IMMP2L: variants seen among roughly 807,000 people sequenced by gnomAD.
The protein encoded by IMMP2L is mitochondrial inner membrane protease subunit 2.
In IMMP2L, 18 loss-of-function variants were observed where a neutral mutation model predicts 19.3. The ratio of observed to expected loss-of-function variants is 0.93; its 90% CI spans 0.64 to 1.38. IMMP2L has a LOEUF of 1.38. IMMP2L is among the 40% of genes most tolerant of loss of function. IMMP2L has a pLI of 0.00. For synonymous variants in IMMP2L, 76 were observed against 73.0 expected, an observed-to-expected ratio of 1.04 and a Z score of -0.21; for missense variants, 233 against 218.2, an observed-to-expected ratio of 1.07 and a Z score of -0.43.
chr7:110,801,280 T>A (rs1801221471), intron 5 of IMMP2L, among the ~76,000 whole-genome samples: 1 of 152,060 alleles, frequency 6.6e-6, no homozygotes, highest in East Asian at 1.9e-4. Context: ...CATGTTGCTG[T>A]TTGAATCTAA....
chr7:111,040,549 T>C (rs1791795257), intron 3 of IMMP2L, among the ~76,000 whole-genome samples: 1 of 151,412 alleles, frequency 6.6e-6, no homozygotes, highest in Admixed American at 6.6e-5. Flanking sequence ...GAAAATCTTT[T>C]AATCTAAAAG....
intron 4 of IMMP2L, among the ~76,000 whole-genome samples, chr7:110,910,416 A>G (rs1485959576): frequency 6.6e-6 from 1 of 152,204 alleles, no homozygotes; most frequent in Non-Finnish European, 1.5e-5. Context: ...CATTCAATGA[A>G]TATTGATTCA....
At chr7:111,311,797 T>A (rs1218496682) in intron 3 of IMMP2L, among the ~76,000 whole-genome samples, 1 of 152,142 alleles carries the variant, frequency 6.6e-6, no homozygotes, top group African/African-American at 2.4e-5. Context: ...AAGTTTGGTG[T>A]CACAATAGTC....
intron 3 of IMMP2L, among the ~76,000 whole-genome samples, chr7:111,282,342 A>T (rs1819983699): frequency 6.6e-6 from 1 of 152,196 alleles, no homozygotes; most frequent in African/African-American, 2.4e-5. Context: ...GAAATTCGGT[A>T]AGAAAGGGAA....
At chr7:111,141,799 A>G (rs1005403816) in intron 3 of IMMP2L, among the ~76,000 whole-genome samples, 5 of 152,118 alleles carry the variant, frequency 3.3e-5, no homozygotes, top group Admixed American at 3.3e-4. Context: ...ATGCTGGGCT[A>G]AAGTGATCCT....
At chr7:111,001,560 T>C (rs756667744) in intron 3 of IMMP2L, among the ~76,000 whole-genome samples, 3 of 152,182 alleles carry the variant, frequency 2.0e-5, no homozygotes, top group Non-Finnish European at 4.4e-5. Flanking sequence ...ATTTGAATGA[T>C]GAATATTATG....
In IMMP2L at chr7:110,870,332, T is replaced by G. The variant is rs1585087809; in HGVS notation, c.408+16261A>C. On this transcript the variant is annotated intron_variant, in intron 5 of 5. Transcript: ENST00000405709. The surrounding 1 kb of genome is among the most constrained non-coding windows in gnomAD (Gnocchi z 4.2). ...TTTCTGAACCAGAAGGCATCGCGAG[T>G]GCTAAACTCACTCACAGAACAGAAA... Among the ~76,000 whole-genome samples the G allele has an allele frequency of 6.6e-6, 1 of 152,004 alleles. No individual in the cohort carries two copies. The highest frequency in any genetic ancestry group is 1.9e-4 in the East Asian group (1 of 5,168).
rs527911289 is a variant in IMMP2L, at chr7:111,174,845, T to C, written c.240-211280A>G. 8.6e-5 allele frequency among the ~76,000 whole-genome samples: 13 copies of C among 151,902 alleles called. No individual in the cohort carries two copies. In the South Asian group the frequency reaches 2.7e-3, roughly 32 times the overall value. ...ACATGCAAGGCAGAAGAGATATACA[T>C]ATAACACTCAGCATTAAAAGAATTC... On this transcript the variant is annotated intron_variant, in intron 3 of 5. Transcript: ENST00000405709.
chr7:110,762,908 C>T (rs571150961), intron 5 of IMMP2L, among the ~76,000 whole-genome samples: 1 of 152,244 alleles, frequency 6.6e-6, no homozygotes, highest in East Asian at 1.9e-4. Flanking sequence ...TCTCCCATTT[C>T]CTATTATTAT....
At chr7:111,136,445 A>G (rs1224832053) in intron 3 of IMMP2L, among the ~76,000 whole-genome samples, 1 of 152,186 alleles carries the variant, frequency 6.6e-6, no homozygotes, top group Non-Finnish European at 1.5e-5. Flanking sequence ...AAAAAAATGA[A>G]TCTAATCTAC....
intron 5 of IMMP2L, among the ~76,000 whole-genome samples, chr7:110,814,608 T>G (rs1291172664): frequency 6.7e-6 from 1 of 150,354 alleles, no homozygotes; most frequent in Admixed American, 6.6e-5. Flanking sequence ...TCTTTTTTTC[T>G]TCTATTTCTT....
intron 4 of IMMP2L, among the ~76,000 whole-genome samples, chr7:110,931,407 T>G (rs925934239): frequency 6.6e-6 from 1 of 152,166 alleles, no homozygotes; most frequent in Non-Finnish European, 1.5e-5. Flanking sequence ...TAACTTGTTC[T>G]CCTCTCTACC....
rs147511671 is a variant in IMMP2L at position 111,021,610 on chromosome 7, C to T, written c.240-58045G>A. On this transcript the variant is annotated intron_variant, in intron 3 of 5. Transcript: ENST00000405709. ...ATAAAACCATCAGATCATCTGGGCACGGTGGCTGACGCCAGTAATCCCAGC... is the reference window on the plus strand; with the variant it reads ...ATAAAACCATCAGATCATCTGGGCATGGTGGCTGACGCCAGTAATCCCAGC... 1.9e-3 allele frequency among the ~76,000 whole-genome samples: 290 copies of T among 152,266 alleles called. 1 individual carries two copies. Among genetic ancestry groups the T allele is most frequent in the African/African-American group, 5.3e-3 (221 of 41,554 alleles).
chr7:111,388,335 G>A lies in IMMP2L; in HGVS notation c.239+98903C>T, dbSNP rs546700389. Among the ~76,000 whole-genome samples, 5 of 152,104 alleles carry A rather than the reference G, an allele frequency of 3.3e-5. No homozygotes were observed. The South Asian group carries it at 1.0e-3, about 32-fold the overall frequency. On this transcript the variant is annotated intron_variant, in intron 3 of 5. Coordinates refer to ENST00000405709, the MANE Select transcript of IMMP2L (RefSeq NM_032549.4). ...ACAAATAAATATACTGAGGATAATG[G>A]GAGCCAGGTTTTCTAATGTTGGAGA...
rs112408344 is a variant in IMMP2L at position 110,938,628 on chromosome 7, T to C, written c.305+24872A>G. ...CTGATTAAAAAGATAACTGATCTTG[T>C]GCACAATATTCAATATTTGGGCGAT... On this transcript the variant is annotated intron_variant, in intron 4 of 5. Coordinates refer to ENST00000405709, the MANE Select transcript of IMMP2L (RefSeq NM_032549.4). 8.1e-3 allele frequency among the ~76,000 whole-genome samples: 1,230 copies of C among 152,276 alleles called. 6 individuals are homozygous for C. The highest frequency in any genetic ancestry group is 0.013 in the Non-Finnish European group (872 of 68,014).
chr7:111,468,401 T>C (rs1840888674), intron 3 of IMMP2L, among the ~76,000 whole-genome samples: 1 of 152,178 alleles, frequency 6.6e-6, no homozygotes, highest in Admixed American at 6.5e-5. Flanking sequence ...CCATTTATTA[T>C]TATTATAGCA....
At chr7:111,234,288 T>A (rs1228528999) in intron 3 of IMMP2L, among the ~76,000 whole-genome samples, 1 of 152,164 alleles carries the variant, frequency 6.6e-6, no homozygotes, top group African/African-American at 2.4e-5. Flanking sequence ...TAATATTCTT[T>A]GTATGATACA....
At chr7:110,684,923 C>G (rs1359600323) in intron 5 of IMMP2L, among the ~76,000 whole-genome samples, 1 of 152,172 alleles carries the variant, frequency 6.6e-6, no homozygotes, top group East Asian at 1.9e-4. Context: ...TGCTACCTGG[C>G]ATTTGAAACA....
intron 3 of IMMP2L, among the ~76,000 whole-genome samples, chr7:110,999,027 C>A (rs1488913285): frequency 1.3e-5 from 2 of 152,086 alleles, no homozygotes; most frequent in Non-Finnish European, 2.9e-5. Context: ...GCCCAGATAC[C>A]ATTTTAAGTT....
Sources: gnomAD v4.1 joint callset for allele counts (sites outside exome capture counted in the v4.1 genomes callset) on GRCh38, gnomAD v4.1.1 for gene constraint, Gnocchi (gnomAD v3.1) non-coding constraint, MANE v1.5 for transcripts, NCBI Gene and HGNC (gene_info 2026-07-23, HGNC 2026-07-21) for gene names.